Variants in AGBL1 observed in about 807,000 individuals in gnomAD.
AGBL1 encodes the protein AGBL carboxypeptidase 1.
In AGBL1, 130 loss-of-function variants were observed where a neutral mutation model predicts 118.9. The observed-to-expected ratio is 1.09, with a 90% CI of 0.95 to 1.26. The LOEUF (loss-of-function observed/expected upper bound fraction) is 1.26. Ranked by LOEUF, AGBL1 falls within the 50% of genes most tolerant of loss-of-function variation. AGBL1 has a pLI of 0.00. For synonymous variants in AGBL1, 555 were observed against 478.9 expected, an observed-to-expected ratio of 1.16 and a Z score of -2.08; for missense variants, 1,584 against 1,298.1, an observed-to-expected ratio of 1.22 and a Z score of -3.38.
At chr15:86,440,415 A>G (rs1239345370) in intron 18 of AGBL1, among the ~76,000 whole-genome samples, 1 of 151,800 alleles carries the variant, frequency 6.6e-6, no homozygotes, top group Non-Finnish European at 1.5e-5. Flanking sequence ...AGTTGAGAGT[A>G]CGATCAAGAA....
In AGBL1 at chr15:86,984,116, G is replaced by A. The variant is rs563739791; in HGVS notation, c.3222-3871G>A. On this transcript the variant is annotated intron_variant, in intron 23 of 24. Transcript: ENST00000441037. ...ACTTTAAAACATTCCCAACGTGTTA[G>A]TACTCATGTTACATTCCCACCAGAA... Among the ~76,000 whole-genome samples the A allele has an allele frequency of 5.4e-4, 82 of 152,236 alleles. 1 individual carries two copies. Among genetic ancestry groups the A allele is most frequent in the African/African-American group, 2.0e-3 (82 of 41,552 alleles).
intron 1 of AGBL1, among the ~76,000 whole-genome samples, chr15:86,137,069 A>T (rs2076899126): frequency 6.6e-6 from 1 of 152,204 alleles, no homozygotes; most frequent in Admixed American, 6.5e-5. Context: ...ACTGTGGGTG[A>T]GATAACAGCT....
intron 8 of AGBL1, among the ~76,000 whole-genome samples, chr15:86,257,345 T>A (rs1310535110): frequency 6.6e-6 from 1 of 152,214 alleles, no homozygotes; most frequent in Non-Finnish European, 1.5e-5. Context: ...TGCAGCATAC[T>A]GACTGTGGAA....
At chr15:86,902,151 G>A (rs190505783) in intron 22 of AGBL1, among the ~76,000 whole-genome samples, 86 of 152,142 alleles carry the variant, frequency 5.7e-4, no homozygotes, top group African/African-American at 2.0e-3. Flanking sequence ...TTGTGGCATC[G>A]TTTTACAAAG....
intron 18 of AGBL1, among the ~76,000 whole-genome samples, chr15:86,413,986 T>C (rs2081656012): frequency 6.6e-6 from 1 of 152,154 alleles, no homozygotes; most frequent in African/African-American, 2.4e-5. Flanking sequence ...GGAATACTAT[T>C]CAGCCATATA....
At chr15:86,505,626 G>T (rs553339148) in intron 18 of AGBL1, among the ~76,000 whole-genome samples, 3 of 151,776 alleles carry the variant, frequency 2.0e-5, no homozygotes, top group Admixed American at 1.3e-4. Context: ...TAAAATTTTT[G>T]TTTTTTAATG....
intron 5 of AGBL1, among the ~76,000 whole-genome samples, chr15:86,180,228 C>G (rs2077534183): frequency 6.6e-6 from 1 of 151,410 alleles, no homozygotes; most frequent in African/African-American, 2.4e-5. Context: ...AGACCAAGGA[C>G]CTAGAATAGC....
chr15:86,859,988 T>C (rs1011272546), intron 22 of AGBL1, among the ~76,000 whole-genome samples: 1 of 152,218 alleles, frequency 6.6e-6, no homozygotes, highest in Admixed American at 6.5e-5. Flanking sequence ...TGAAACTAGT[T>C]GAACATGTTC....
At chr15:86,284,491 G>A (rs900959934) in intron 16 of AGBL1, among the ~76,000 whole-genome samples, 2 of 152,140 alleles carry the variant, frequency 1.3e-5, no homozygotes, top group Non-Finnish European at 2.9e-5. Flanking sequence ...ATCAGAACAT[G>A]CCTGTAGCAT....
Position 86,262,078 on chromosome 15 carries a change from C to CTTTTTTTTTTTTTTTTTTTTTT in AGBL1, c.970-684_970-683insTTTTTTTTTTTTTTTTTTTTTT, listed in dbSNP as rs61365024. Among the ~76,000 whole-genome samples the CTTTTTTTTTTTTTTTTTTTTTT allele has an allele frequency of 5.5e-3, 288 of 52,758 alleles. 85 individuals are homozygous for CTTTTTTTTTTTTTTTTTTTTTT. Among genetic ancestry groups the CTTTTTTTTTTTTTTTTTTTTTT allele is most frequent in the Non-Finnish European group, 7.2e-3 (201 of 28,088 alleles). 34.6% of individuals were successfully genotyped at this position (52,758 alleles called of 152,430 possible). On this transcript the variant is annotated intron_variant, in intron 9 of 22. Transcript: ENST00000614907. ...CACTGCTAGGCCTATGCATAGCTGG[C>CTTTTTTTTTTTTTTTTTTTTTT]TTTTTTTTTTTTTTTTGCCATTTAG...
At chr15:86,825,789 C>A (rs980478685) in intron 22 of AGBL1, among the ~76,000 whole-genome samples, 1 of 148,910 alleles carries the variant, frequency 6.7e-6, no homozygotes, top group African/African-American at 2.5e-5. Flanking sequence ...AGAATGGCTA[C>A]TTTTTTTTTA....
rs553816742 is a variant in AGBL1, at chr15:86,158,877, T to G, written c.395-56T>G. 33 of 1,509,354 alleles carry G rather than the reference T, an allele frequency of 2.2e-5. 1 individual carries two copies. The South Asian group carries it at 3.6e-4, about 17-fold the overall frequency. The allele number at this position is 1,509,354 out of a possible 1,614,324, so 93.5% of individuals were successfully genotyped here. A position where few individuals can be genotyped will look rare whatever the true frequency, so the allele number is the denominator to read the frequency against. Reference sequence around the variant, plus strand: ...TTTAAAGGAGTCAATCCAAGTTGTCTTGAGCCTTAACTCATCCACTTGTGA... The same window carrying G: ...TTTAAAGGAGTCAATCCAAGTTGTCGTGAGCCTTAACTCATCCACTTGTGA... On this transcript the variant is annotated intron_variant, in intron 4 of 22. Coordinates refer to ENST00000614907, the MANE Select transcript of AGBL1 (RefSeq NM_001386094.1).
intron 17 of AGBL1, among the ~76,000 whole-genome samples, chr15:86,328,697 G>A (rs1406958129): frequency 2.0e-5 from 3 of 152,088 alleles, no homozygotes; most frequent in African/African-American, 7.2e-5. Context: ...GAGACAGACA[G>A]CCTCCCTCTG....
At chr15:86,256,013 C>G (rs937833820) in intron 7 of AGBL1, among the ~76,000 whole-genome samples, 1 of 152,158 alleles carries the variant, frequency 6.6e-6, no homozygotes, top group East Asian at 1.9e-4. Context: ...GAGCTTTCTG[C>G]ACCCTTTAGG....
intron 5 of AGBL1, among the ~76,000 whole-genome samples, chr15:86,204,146 C>T (rs2077951923): frequency 1.3e-5 from 2 of 152,094 alleles, no homozygotes; most frequent in South Asian, 4.2e-4. Flanking sequence ...CTAGGAAGAG[C>T]TCTAAGCTTG....
chr15:86,105,382 CAT>C (rs1226817595), intron 1 of AGBL1: 7 of 152,150 alleles, frequency 4.6e-5, no homozygotes, highest in Non-Finnish European at 1.0e-4. Context: ...ATTAGAAAGA[CAT>C]ATACAAATTA....
chr15:86,271,697 G>A lies in AGBL1; in HGVS notation c.2066G>A (p.Cys689Tyr), dbSNP rs757373166. 1.4e-5 allele frequency: 22 copies of A among 1,612,060 alleles called. No homozygotes were observed. Among genetic ancestry groups the A allele is most frequent in the Non-Finnish European group, 1.9e-5 (22 of 1,178,300 alleles). Residue 689 changes from cysteine to tyrosine, a missense_variant, in exon 15 of 23, where the codon TGT (cysteine) becomes TAT (tyrosine). Cys to Tyr is a radical substitution (Grantham distance 194). Coordinates refer to ENST00000614907, the MANE Select transcript of AGBL1 (RefSeq NM_001386094.1). ...TGGATAAGGACAGGCCATGAAATAT[G>A]TTATTACAAGTAAGTTAGAGCGCTG... Reference protein sequence around the residue: ...PTWIRTGHEICYYKNHYRQST... With the variant: ...PTWIRTGHEIYYYKNHYRQST...
chr15:87,003,551 G>A (rs1451714762), intron 24 of AGBL1, among the ~76,000 whole-genome samples: 1 of 152,050 alleles, frequency 6.6e-6, no homozygotes, highest in Non-Finnish European at 1.5e-5. Context: ...CAGAAGGAAT[G>A]GTACCCGCTC....
chr15:86,661,910 T>A (rs1043340975), intron 21 of AGBL1, among the ~76,000 whole-genome samples: 1 of 152,202 alleles, frequency 6.6e-6, no homozygotes, highest in African/African-American at 2.4e-5. Flanking sequence ...TGCTCTAAGA[T>A]CTAAAGTTTC....
Sources: allele counts gnomAD v4.1 joint callset (sites outside exome capture counted in the v4.1 genomes callset), GRCh38; gene constraint gnomAD v4.1.1; transcripts MANE v1.5; gene names NCBI Gene and HGNC (gene_info 2026-07-23, HGNC 2026-07-21).